DCHS2: variants seen among roughly 807,000 people sequenced by gnomAD.
DCHS2 encodes dachsous cadherin-related 2.
In DCHS2, 142 loss-of-function variants were observed where a neutral mutation model predicts 182.4. That is an observed-to-expected ratio of 0.78 (90% confidence interval 0.68 to 0.89). The LOEUF is 0.89. DCHS2 is among the 40% of genes least tolerant of loss of function. DCHS2 has a pLI of 0.00. For synonymous variants in DCHS2, 1,740 were observed against 1,663.3 expected (o/e 1.05, Z -1.12); for missense variants, 4,319 against 4,198.6 (o/e 1.03, Z -0.79).
intron 1 of DCHS2, among the ~76,000 whole-genome samples, chr4:154,428,854 G>C (rs1299338748): frequency 6.6e-6 from 1 of 152,066 alleles, no homozygotes; most frequent in African/African-American, 2.4e-5. Context: ...AGAGAGCTGA[G>C]ATCGCACCAC....
chr4:154,364,602 C>T lies in DCHS2; in HGVS notation c.2476+1608G>A, dbSNP rs2110766029. On this transcript the variant is annotated intron_variant, in intron 3 of 19. Transcript: ENST00000357232. ...GGAAAGTTTTGCCTTACAAAGACTG[C>T]CAGTATAAACAACTAATCCCTGGCC... 1.3e-5 allele frequency among the ~76,000 whole-genome samples: 2 copies of T among 152,322 alleles called. 1 individual carries two copies. The highest frequency in any genetic ancestry group is 4.1e-4 in the South Asian group (2 of 4,828).
intron 1 of DCHS2, among the ~76,000 whole-genome samples, chr4:154,475,671 G>T (rs1448487878): frequency 6.6e-6 from 1 of 152,118 alleles, no homozygotes; most frequent in Non-Finnish European, 1.5e-5. Context: ...TTCCCACATT[G>T]CTTCACCCAG....
intron 1 of DCHS2, among the ~76,000 whole-genome samples, chr4:154,443,616 A>G (rs1579088100): frequency 6.6e-6 from 1 of 152,170 alleles, no homozygotes; most frequent in East Asian, 1.9e-4. Flanking sequence ...CCTCTCCACT[A>G]GGGCTCTGGG....
intron 1 of DCHS2, among the ~76,000 whole-genome samples, chr4:154,393,681 C>T (rs1197068757): frequency 9.3e-6 from 1 of 107,608 alleles, no homozygotes; most frequent in Non-Finnish European, 2.3e-5. Flanking sequence ...AAATGTCCCA[C>T]CAGTCCACTC....
At chr4:154,383,452 C>A (rs1190809960) in intron 1 of DCHS2, among the ~76,000 whole-genome samples, 3 of 151,946 alleles carry the variant, frequency 2.0e-5, no homozygotes, top group East Asian at 3.9e-4. Flanking sequence ...GCACATGTAC[C>A]CCTTGAATCT....
intron 1 of DCHS2, among the ~76,000 whole-genome samples, chr4:154,454,426 T>C (rs1482627383): frequency 6.6e-6 from 1 of 152,172 alleles, no homozygotes; most frequent in Non-Finnish European, 1.5e-5. Flanking sequence ...CTATTTTTTA[T>C]AGAGATGGGG....
chr4:154,333,575 G>A (rs1478229767), intron 4 of DCHS2, 81 bp from the exon 5 acceptor site: 7 of 1,305,756 alleles, frequency 5.4e-6, no homozygotes, highest in Non-Finnish European at 7.3e-6. Context: ...TGTTAATACA[G>A]TCATCCACTG....
intron 3 of DCHS2, among the ~76,000 whole-genome samples, chr4:154,340,998 C>A: frequency 6.6e-6 from 1 of 152,288 alleles, no homozygotes; most frequent in Admixed American, 6.5e-5. Context: ...ATGGTAGCCA[C>A]TCAAAGAAAT....
intron 16 of DCHS2, among the ~76,000 whole-genome samples, chr4:154,246,692 A>G (rs1732089797): frequency 6.6e-6 from 1 of 152,172 alleles, no homozygotes; most frequent in Admixed American, 6.5e-5. Context: ...AGAGTTGGAT[A>G]TTATTTAAAA....
chr4:154,298,082 C>T lies in DCHS2; in HGVS notation c.6232G>A (p.Ala2078Thr), dbSNP rs1187685657. Residue 2078 changes from alanine to threonine, a missense_variant, in exon 13 of 20, where the codon GCA becomes ACA. Coordinates refer to ENST00000357232, the MANE Select transcript of DCHS2 (RefSeq NM_001358235.2). ...GPNGTVVFSF[A>T]ETQSMFSIDK... ...ATAGAAAACATTGACTGGGTCTCTGCAAAACTAAAAACCACAGTTCCATTG... is the reference window on the plus strand; with the variant it reads ...ATAGAAAACATTGACTGGGTCTCTGTAAAACTAAAAACCACAGTTCCATTG... 1.2e-5 allele frequency: 20 copies of T among 1,613,936 alleles called. No individual in the cohort carries two copies. Among genetic ancestry groups the T allele is most frequent in the Non-Finnish European group, 1.7e-5 (20 of 1,180,006 alleles).
intron 19 of DCHS2, 77 bp downstream of exon 19, chr4:154,239,093 C>T (rs373546746): frequency 1.0e-5 from 16 of 1,526,856 alleles, no homozygotes; most frequent in Non-Finnish European, 1.4e-5. Context: ...TTTATAGAGG[C>T]ATTTAGAAAG....
intron 17 of DCHS2, among the ~76,000 whole-genome samples, chr4:154,241,275 A>T (rs1731811719): frequency 6.6e-6 from 1 of 152,162 alleles, no homozygotes; most frequent in Non-Finnish European, 1.5e-5. Context: ...TAATGTCCGA[A>T]TTAGATACTT....
chr4:154,302,952 C>T, intron 12 of DCHS2, among the ~76,000 whole-genome samples: 3 of 67,260 alleles, frequency 4.5e-5, no homozygotes, highest in African/African-American at 3.2e-4. Context: ...CACACACACA[C>T]ACACACACAC....
intron 3 of DCHS2, among the ~76,000 whole-genome samples, chr4:154,353,560 C>T (rs1729717560): frequency 6.6e-6 from 1 of 152,208 alleles, no homozygotes; most frequent in African/African-American, 2.4e-5. Flanking sequence ...TTCCCTGACT[C>T]CTATCATCTA....
chr4:154,481,532 C>T, intron 1 of DCHS2, among the ~76,000 whole-genome samples: 1 of 152,170 alleles, frequency 6.6e-6, no homozygotes, highest in East Asian at 1.9e-4. Context: ...GCTGGGATTA[C>T]AGACAAGAGC....
chr4:154,296,387 TA>T (rs967182008), intron 13 of DCHS2, among the ~76,000 whole-genome samples: 3 of 152,140 alleles, frequency 2.0e-5, no homozygotes, highest in African/African-American at 7.2e-5. Context: ...GTCACTTGGT[TA>T]ACTTTTCTTG....
intron 3 of DCHS2, among the ~76,000 whole-genome samples, chr4:154,357,960 C>A (rs923442114): frequency 1.3e-5 from 2 of 152,120 alleles, no homozygotes; most frequent in African/African-American, 2.4e-5. Flanking sequence ...CTACAGTTAG[C>A]CAGCAGACTG....
chr4:154,358,325 C>A (rs1729966090), intron 3 of DCHS2, among the ~76,000 whole-genome samples: 1 of 152,096 alleles, frequency 6.6e-6, no homozygotes, highest in African/African-American at 2.4e-5. Context: ...GCTCTCTTGC[C>A]TGACTGTTTT....
At chr4:154,479,207 C>A (rs764593491) in intron 1 of DCHS2, among the ~76,000 whole-genome samples, 9 of 151,940 alleles carry the variant, frequency 5.9e-5, no homozygotes, top group Non-Finnish European at 1.0e-4. Flanking sequence ...GGCTTAACAG[C>A]AGGATGGTGA....
Sources: allele counts gnomAD v4.1 joint callset (sites outside exome capture counted in the v4.1 genomes callset), GRCh38; gene constraint gnomAD v4.1.1; transcripts MANE v1.5; gene names NCBI Gene and HGNC (gene_info 2026-07-23, HGNC 2026-07-21).